Variants in SIDT1 observed in about 807,000 individuals in gnomAD.
SIDT1 encodes SID1 transmembrane family member 1.
SIDT1 carries 101 observed loss-of-function variants against 107.5 expected under a neutral mutation model. The observed-to-expected ratio is 0.94, with a 90% CI of 0.80 to 1.11. The LOEUF is 1.11. Ranked by LOEUF, SIDT1 falls within the 50% of genes least tolerant of loss-of-function variation. The pLI, the probability that SIDT1 is intolerant of heterozygous loss-of-function variation, is 0.00. For missense variants in SIDT1, 1,076 were observed against 1,058.2 expected, an observed-to-expected ratio of 1.02 and a Z score of -0.23; for synonymous variants, 395 against 398.2, an observed-to-expected ratio of 0.99 and a Z score of 0.10.
chr3:113,629,969 A>G (rs1462869082), downstream of SIDT1, among the ~76,000 whole-genome samples: 2 of 152,246 alleles, frequency 1.3e-5, no homozygotes, highest in African/African-American at 2.4e-5. Context: ...GTTGGAGGAC[A>G]TAAAGTCATT....
chr3:113,624,256 C>G (rs1946688617), intron 23 of SIDT1, among the ~76,000 whole-genome samples: 1 of 152,192 alleles, frequency 6.6e-6, no homozygotes, highest in Non-Finnish European at 1.5e-5. Context: ...GCATTCACTC[C>G]TCATTTCTCG....
At chr3:113,552,293 A>C (rs1182862820) in intron 1 of SIDT1, among the ~76,000 whole-genome samples, 4 of 152,168 alleles carry the variant, frequency 2.6e-5, no homozygotes, top group African/African-American at 9.7e-5. Flanking sequence ...TGGTTAACAA[A>C]GGGATAAGCA....
At chr3:113,581,186 A>G (rs566891044) in intron 5 of SIDT1, among the ~76,000 whole-genome samples, 175 bp from the exon 6 acceptor site, 2 of 152,200 alleles carry the variant, frequency 1.3e-5, no homozygotes, top group East Asian at 3.9e-4. Flanking sequence ...ACGAGGCCCC[A>G]AGTCTTAGGA....
chr3:113,565,002 C>A (rs963959146), intron 1 of SIDT1, among the ~76,000 whole-genome samples: 1 of 152,184 alleles, frequency 6.6e-6, no homozygotes, highest in Admixed American at 6.5e-5. Flanking sequence ...GACATCTATG[C>A]TATTCTGTTT....
At position 113,604,969 on chromosome 3, in the gene SIDT1, AT is replaced by A. The variant is rs755389490; in HGVS notation, c.1398del (p.Gln467ArgfsTer4). ...ALPVIQLVIT[Y>X]QTVVNVTGNQ... is the part of the protein sequence containing the mutation. The stretch of plus-strand genomic sequence containing the variant: ...CCCGTGATCCAGCTGGTCATTACCT[AT>A]CAGACAGTAAGTGCTGCCCCAGCCC... On this transcript the variant is annotated frameshift_variant, in exon 14 of 25. Transcript: ENST00000264852. LOFTEE classifies it high-confidence loss of function. 1 of 1,613,910 alleles carries A rather than the reference AT, an allele frequency of 6.2e-7. No individual in the cohort carries two copies. The highest frequency in any genetic ancestry group is 1.1e-5 in the South Asian group (1 of 91,086).
At chr3:113,603,828 T>C (rs981461176) in intron 12 of SIDT1, 132 bp from the exon 13 acceptor site, 1 of 618,466 alleles carries the variant, frequency 1.6e-6, no homozygotes, top group Non-Finnish European at 2.8e-6. Flanking sequence ...TTTAGTAAAT[T>C]TGAATAATTG....
At chr3:113,561,892 G>C (rs559333745) in intron 1 of SIDT1, among the ~76,000 whole-genome samples, 91 of 152,204 alleles carry the variant, frequency 6.0e-4, no homozygotes, top group African/African-American at 2.2e-3. Context: ...TTGCATCTTA[G>C]GTGAAAAAAG....
At chr3:113,564,976 C>G (rs7642369) in intron 1 of SIDT1, among the ~76,000 whole-genome samples, 3,709 of 152,250 alleles carry the variant, frequency 0.024, 72 homozygotes, top group Non-Finnish European at 0.042. Context: ...GATATGAGAA[C>G]CAAATGGCAA....
Position 113,611,120 on chromosome 3 carries a change from C to A in SIDT1, c.1833C>A (p.Val611=). ...AYSAYASFAV[V]IMVTVLGVVF... ...CTGCCTATGCCTCCTTTGCTGTGGT[C>A]ATCATGGTCACCGTCCTTGGAGTGG... The change falls in exon 18 of 25, where the codon GTC becomes GTA. Residue 611 remains valine, a synonymous_variant. Coordinates refer to ENST00000264852, the MANE Select transcript of SIDT1 (RefSeq NM_017699.3). The A allele has an allele frequency of 6.2e-7, 1 of 1,614,066 alleles. No homozygotes were observed. Among genetic ancestry groups the A allele is most frequent in the South Asian group, 1.1e-5 (1 of 91,052 alleles).
intron 1 of SIDT1, among the ~76,000 whole-genome samples, chr3:113,557,629 C>G (rs1216792997): frequency 6.6e-6 from 1 of 152,118 alleles, no homozygotes; most frequent in African/African-American, 2.4e-5. Context: ...CACCAGAAGG[C>G]AGGAAGAGGC....
chr3:113,552,379 G>A (rs1249440722), intron 1 of SIDT1, among the ~76,000 whole-genome samples: 2 of 152,090 alleles, frequency 1.3e-5, no homozygotes, highest in African/African-American at 4.8e-5. Context: ...TTGTAGACAG[G>A]GAGACTCTAA....
rs1947033106 is a variant in SIDT1, at chr3:113,629,140, T to C, written c.*1432T>C. On this transcript the variant is annotated 3_prime_UTR_variant, in exon 25 of 25. Transcript: ENST00000264852. ...GAAATGGATCAGGCATTTTTTTAAA[T>C]TATTATTCTTTCTCTAAACTATTTG... 2 of 152,236 alleles carry C rather than the reference T, an allele frequency of 1.3e-5. No homozygotes were observed. Among genetic ancestry groups the C allele is most frequent in the African/African-American group, 4.8e-5 (2 of 41,478 alleles). The allele number at this position is 152,236 out of a possible 1,614,324, so 9.4% of individuals were successfully genotyped here. A position where few individuals can be genotyped will look rare whatever the true frequency, so the allele number is the denominator to read the frequency against.
rs150270977 is a variant in SIDT1, at chr3:113,589,628, G to A, written c.1002-3377G>A. 8.3e-3 allele frequency among the ~76,000 whole-genome samples: 1,245 copies of A among 149,768 alleles called. 16 individuals carry two copies. Among genetic ancestry groups the A allele is most frequent in the African/African-American group, 0.029 (1,163 of 40,526 alleles). On this transcript the variant is annotated intron_variant, in intron 9 of 24. Coordinates refer to ENST00000264852, the MANE Select transcript of SIDT1 (RefSeq NM_017699.3). ...AGCTCACTGTAACCTCTGCCTCCTG[G>A]GTTCAAGCAATTCTCCTGTCGCAGC...
rs116123468 is a variant in SIDT1, at chr3:113,600,392, G to C, written c.1046-1196G>C. ...ATGAAACACTATCCATCCACTCTCA[G>C]AGTGACCAGGCAAATTACATGATCT... On this transcript the variant is annotated intron_variant, in intron 10 of 24. Coordinates refer to ENST00000264852, the MANE Select transcript of SIDT1 (RefSeq NM_017699.3). Among the ~76,000 whole-genome samples, 1,491 of 150,964 alleles carry C rather than the reference G, an allele frequency of 9.9e-3. 21 individuals are homozygous for C. Among genetic ancestry groups the C allele is most frequent in the Non-Finnish European group, 0.015 (1,024 of 67,798 alleles).
At chr3:113,588,354 T>C (rs531821710) in intron 9 of SIDT1, among the ~76,000 whole-genome samples, 40 of 152,348 alleles carry the variant, frequency 2.6e-4, no homozygotes, top group Non-Finnish European at 1.9e-4. Context: ...ATAGGAGAAC[T>C]TTTCCTTCAT....
chr3:113,585,167 C>G lies in SIDT1; in HGVS notation c.908-10C>G. 6.2e-7 allele frequency: 1 copy of G among 1,606,058 alleles called. No individual in the cohort carries two copies. The highest frequency in any genetic ancestry group is 8.5e-7 in the Non-Finnish European group (1 of 1,172,914). On this transcript the variant is annotated splice_polypyrimidine_tract_variant and intron_variant, in intron 8 of 24. Coordinates refer to ENST00000264852, the MANE Select transcript of SIDT1 (RefSeq NM_017699.3). ...GGATGACCTGACCAAAGTTGTTTCT[C>G]TCCCTTCAGAATCTGTTTATGTGAA...
intron 1 of SIDT1, among the ~76,000 whole-genome samples, chr3:113,554,936 A>C (rs917674137): frequency 2.6e-5 from 4 of 152,214 alleles, no homozygotes; most frequent in African/African-American, 9.6e-5. Flanking sequence ...GCAGCAACTG[A>C]GGCAACATTG....
chr3:113,543,410 G>C (rs1455581304), intron 1 of SIDT1, among the ~76,000 whole-genome samples: 1 of 152,092 alleles, frequency 6.6e-6, no homozygotes, highest in Admixed American at 6.6e-5. Context: ...CTTTTTGAAG[G>C]ATTTTGGGGT....
intron 10 of SIDT1, among the ~76,000 whole-genome samples, chr3:113,594,191 T>G (rs150193823): frequency 8.1e-4 from 124 of 152,334 alleles, no homozygotes; most frequent in Admixed American, 5.4e-3. Flanking sequence ...TTTGCTTTTT[T>G]CTTTTTAATG....
Sources: allele counts gnomAD v4.1 joint callset (sites outside exome capture counted in the v4.1 genomes callset), GRCh38; gene constraint gnomAD v4.1.1; transcripts MANE v1.5; gene names NCBI Gene and HGNC (gene_info 2026-07-23, HGNC 2026-07-21).